The following PPP1R1C variants were observed in gnomAD, a reference collection of about 807,000 sequenced individuals.
PPP1R1C encodes the protein protein phosphatase 1 regulatory subunit 1C.
A neutral mutation model predicts 17.4 loss-of-function variants in PPP1R1C; 15 were observed. That is an observed-to-expected ratio of 0.86 (90% CI 0.58 to 1.33). The LOEUF (loss-of-function observed/expected upper bound fraction) is 1.33, where lower values mean the gene tolerates loss of function less well. PPP1R1C is among the 40% of genes most tolerant of loss of function. The pLI is 0.00. For missense variants in PPP1R1C, 143 were observed against 130.0 expected (o/e 1.10, Z -0.48); for synonymous variants, 35 against 43.1 (o/e 0.81, Z 0.73).
intron 1 of PPP1R1C, among the ~76,000 whole-genome samples, chr2:181,955,359 T>C (rs972253149): frequency 6.6e-6 from 1 of 152,234 alleles, no homozygotes; most frequent in Non-Finnish European, 1.5e-5. Flanking sequence ...ATTGAAAAAT[T>C]ACTTAAGGGA....
chr2:182,085,714 T>C (rs1440381974), intron 4 of PPP1R1C, among the ~76,000 whole-genome samples: 1 of 152,192 alleles, frequency 6.6e-6, no homozygotes, highest in African/African-American at 2.4e-5. Flanking sequence ...CTATTCTAGT[T>C]ATATTTGTTG....
intron 2 of PPP1R1C, among the ~76,000 whole-genome samples, chr2:182,015,467 T>C (rs1408263866): frequency 6.6e-6 from 1 of 152,148 alleles, no homozygotes; most frequent in Non-Finnish European, 1.5e-5. Flanking sequence ...AATGGACTAA[T>C]ACAGAGTCTC....
chr2:181,966,141 TTA>T (rs1466427911), intron 1 of PPP1R1C, among the ~76,000 whole-genome samples: 1 of 152,194 alleles, frequency 6.6e-6, no homozygotes, highest in Non-Finnish European at 1.5e-5. Flanking sequence ...CTACTAATTT[TTA>T]TATGTTAATT....
intron 2 of PPP1R1C, among the ~76,000 whole-genome samples, chr2:182,008,415 CA>C (rs563008022): frequency 2.2e-3 from 333 of 152,140 alleles, no homozygotes; most frequent in Non-Finnish European, 3.7e-3. Context: ...TAGTGTAAAG[CA>C]AGAAGGTTTT....
intron 3 of PPP1R1C, among the ~76,000 whole-genome samples, 157 bp downstream of exon 3, chr2:182,061,636 C>T (rs1687854334): frequency 6.6e-6 from 1 of 152,092 alleles, no homozygotes; most frequent in African/African-American, 2.4e-5. Flanking sequence ...TCATTAAAAT[C>T]TCTGCCTCTC....
At chr2:182,084,123 T>G (rs991733988) in intron 4 of PPP1R1C, among the ~76,000 whole-genome samples, 1 of 152,126 alleles carries the variant, frequency 6.6e-6, no homozygotes, top group Non-Finnish European at 1.5e-5. Flanking sequence ...TTTGTGTTTT[T>G]TTTTATTTTA....
intron 2 of PPP1R1C, among the ~76,000 whole-genome samples, chr2:182,010,731 C>T (rs2125155277): frequency 6.6e-6 from 1 of 152,068 alleles, no homozygotes; most frequent in South Asian, 2.1e-4. Context: ...TCAGTTTTCC[C>T]CCATTCAGTA....
intron 2 of PPP1R1C, among the ~76,000 whole-genome samples, chr2:181,997,880 TA>T (rs1685658444): frequency 6.6e-6 from 1 of 152,208 alleles, no homozygotes; most frequent in South Asian, 2.1e-4. Context: ...TTCTAATCAC[TA>T]AACCACACAA....
chr2:181,965,623 T>C (rs1433000827), intron 1 of PPP1R1C, among the ~76,000 whole-genome samples: 1 of 152,238 alleles, frequency 6.6e-6, no homozygotes, highest in African/African-American at 2.4e-5. Flanking sequence ...TGTATATTTG[T>C]TTCCGGGTTC....
intron 2 of PPP1R1C, among the ~76,000 whole-genome samples, chr2:181,979,119 A>C (rs1685148714): frequency 6.6e-6 from 1 of 152,242 alleles, no homozygotes; most frequent in African/African-American, 2.4e-5. Flanking sequence ...AATTTTAACA[A>C]TGAGAAAATG....
intron 2 of PPP1R1C, among the ~76,000 whole-genome samples, chr2:182,028,459 T>C (rs1257964599): frequency 2.0e-5 from 3 of 152,154 alleles, no homozygotes; most frequent in Non-Finnish European, 4.4e-5. Flanking sequence ...CTGCCTTCAT[T>C]TCATTATGTA....
At chr2:182,054,535 T>C in intron 2 of PPP1R1C, among the ~76,000 whole-genome samples, 1 of 152,214 alleles carries the variant, frequency 6.6e-6, no homozygotes, top group East Asian at 1.9e-4. Context: ...GTTATATGAA[T>C]TGAATTACAC....
chr2:182,044,584 A>G (rs1687285403), intron 2 of PPP1R1C, among the ~76,000 whole-genome samples: 1 of 152,190 alleles, frequency 6.6e-6, no homozygotes. Flanking sequence ...AAAAAATGAT[A>G]AGATAGATGC....
chr2:182,021,786 A>G (rs1287328428), intron 2 of PPP1R1C, among the ~76,000 whole-genome samples: 2 of 152,206 alleles, frequency 1.3e-5, no homozygotes, highest in African/African-American at 4.8e-5. Context: ...AGCAACTAAT[A>G]TGGTCTAGAA....
At chr2:182,057,178 C>T (rs1318914332) in intron 2 of PPP1R1C, among the ~76,000 whole-genome samples, 1 of 152,076 alleles carries the variant, frequency 6.6e-6, no homozygotes, top group Non-Finnish European at 1.5e-5. Flanking sequence ...CTATTGTGCT[C>T]AGAGATGTGG....
chr2:182,075,437 A>C (rs1423394645), intron 4 of PPP1R1C, among the ~76,000 whole-genome samples: 5 of 152,148 alleles, frequency 3.3e-5, no homozygotes, highest in Non-Finnish European at 5.9e-5. Context: ...TAAATATTTA[A>C]TTCTTAAAAG....
At chr2:182,108,169 AT>A (rs1689310764) in intron 4 of PPP1R1C, among the ~76,000 whole-genome samples, 1 of 152,096 alleles carries the variant, frequency 6.6e-6, no homozygotes, top group Non-Finnish European at 1.5e-5. Flanking sequence ...AACTGATAAA[AT>A]TGTACACCTT....
intron 4 of PPP1R1C, among the ~76,000 whole-genome samples, chr2:182,064,958 A>G (rs1687946358): frequency 6.6e-6 from 1 of 152,154 alleles, no homozygotes; most frequent in Non-Finnish European, 1.5e-5. Context: ...CTTAAACTAA[A>G]TAAAGTAATA....
In PPP1R1C at chr2:181,976,375, A is replaced by C. The variant is rs1347614407; in HGVS notation, n.157+1111A>C. Among the ~76,000 whole-genome samples, 3 of 152,132 alleles carry C rather than the reference A, an allele frequency of 2.0e-5. No homozygotes were observed. Among genetic ancestry groups the C allele is most frequent in the Non-Finnish European group, 4.4e-5 (3 of 68,002 alleles). ...TACCAACAACAGAGTTCTAGAAGTT[A>C]CTCTGAATCCAAACCAAATAAAATC... On this transcript the variant is annotated intron_variant and non_coding_transcript_variant, in intron 2 of 5. Coordinates refer to the PPP1R1C transcript ENST00000464264. The surrounding 1 kb of genome is among the most constrained non-coding windows in gnomAD (Gnocchi z 4.8).
Sources: allele counts gnomAD v4.1 joint callset (sites outside exome capture counted in the v4.1 genomes callset), GRCh38; gene constraint gnomAD v4.1.1; non-coding constraint Gnocchi (gnomAD v3.1); transcripts MANE v1.5; gene names NCBI Gene and HGNC (gene_info 2026-07-23, HGNC 2026-07-21).